Variants in PDE5A observed in about 807,000 individuals in gnomAD.
PDE5A encodes the protein cGMP-specific 3',5'-cyclic phosphodiesterase.
In PDE5A, 67 loss-of-function variants were observed where a neutral mutation model predicts 110.2. The ratio of observed to expected loss-of-function variants is 0.61; its 90% CI spans 0.50 to 0.75. The LOEUF (loss-of-function observed/expected upper bound fraction) is 0.75. PDE5A is among the 30% of genes least tolerant of loss of function. The pLI is 0.00. For missense variants in PDE5A, 862 were observed against 1,045.1 expected (o/e 0.82, Z 2.42); for synonymous variants, 328 against 351.2 (o/e 0.93, Z 0.74).
chr4:119,561,561 A>T (rs1727747121), intron 6 of PDE5A, among the ~76,000 whole-genome samples: 1 of 152,228 alleles, frequency 6.6e-6, no homozygotes, highest in African/African-American at 2.4e-5. Context: ...AGTGCTTCAC[A>T]TATAACTTTC....
intron 1 of PDE5A, among the ~76,000 whole-genome samples, chr4:119,616,900 A>G (rs894060246): frequency 6.6e-6 from 1 of 152,158 alleles, no homozygotes; most frequent in Admixed American, 6.6e-5. Flanking sequence ...ATATTTTGTA[A>G]CTAAATGAAA....
chr4:119,500,815 A>T (rs1277683373), intron 20 of PDE5A: 1 of 161,078 alleles, frequency 6.2e-6, no homozygotes, highest in Non-Finnish European at 1.3e-5. Flanking sequence ...TATGACAATG[A>T]GAAAAAGTTG....
intron 3 of PDE5A, among the ~76,000 whole-genome samples, chr4:119,569,318 A>C (rs1728058163): frequency 6.6e-6 from 1 of 152,120 alleles, no homozygotes; most frequent in Non-Finnish European, 1.5e-5. Context: ...GGGATTACAA[A>C]CATACAGTAA....
chr4:119,501,472 T>A (rs1308491494), intron 19 of PDE5A, among the ~76,000 whole-genome samples: 1 of 152,108 alleles, frequency 6.6e-6, no homozygotes, highest in Non-Finnish European at 1.5e-5. Flanking sequence ...GCTGATTTTT[T>A]ATTTTTATTA....
At chr4:119,602,514 A>G (rs1257982059) in intron 2 of PDE5A, among the ~76,000 whole-genome samples, 1 of 152,224 alleles carries the variant, frequency 6.6e-6, no homozygotes, top group Admixed American at 6.5e-5. Context: ...TTTTAAGACA[A>G]TGCCTGAAAC....
intron 3 of PDE5A, among the ~76,000 whole-genome samples, chr4:119,583,044 G>C (rs1332142646): frequency 6.6e-6 from 1 of 152,154 alleles, no homozygotes. Context: ...CCTATCCTTT[G>C]ATGCTTTGAA....
chr4:119,553,536 C>T (rs770286143), intron 8 of PDE5A, 102 bp downstream of exon 8: 42 of 733,062 alleles, frequency 5.7e-5, no homozygotes, highest in Non-Finnish European at 7.7e-5. Context: ...CATTCCTAAA[C>T]AGTCAATTCT....
At position 119,504,522 on chromosome 4, in the gene PDE5A, A is replaced by G. The variant is rs1725489974; in HGVS notation, c.2331+14T>C. ...TGACTTTTTAATTATTGTTATTGTC[A>G]CTAAGTAACATACCCGTTGTTGAAT... On this transcript the variant is annotated intron_variant, in intron 18 of 20. Transcript: ENST00000354960. 3.1e-6 allele frequency: 5 copies of G among 1,599,306 alleles called. No homozygotes were observed. The African/African-American group carries it at 6.7e-5, about 21-fold the overall frequency.
At chr4:119,504,675 T>TA (rs992513451) in intron 17 of PDE5A, 76 bp from the exon 18 acceptor site, 27 of 1,194,558 alleles carry the variant, frequency 2.3e-5, no homozygotes, top group Non-Finnish European at 2.8e-5. Context: ...TAGTTACTAA[T>TA]AAAAAAAAGT....
intron 1 of PDE5A, among the ~76,000 whole-genome samples, chr4:119,608,711 T>C (rs1209029774): frequency 6.6e-6 from 1 of 152,166 alleles, no homozygotes; most frequent in Non-Finnish European, 1.5e-5. Flanking sequence ...TCAAATAATT[T>C]GCCTATACAA....
rs1373763958 is a variant in PDE5A at position 119,497,611 on chromosome 4, G to A, written c.*990C>T. 1.3e-5 allele frequency: 2 copies of A among 152,124 alleles called. No individual in the cohort carries two copies. Among genetic ancestry groups the A allele is most frequent in the Non-Finnish European group, 2.9e-5 (2 of 68,020 alleles). The allele number at this position is 152,124 out of a possible 1,614,324, so 9.4% of individuals were successfully genotyped here. ...ATTTTTGACCCTAGTATTGGCAATA[G>A]CCCTTTGCTATTTATATAATTAAAA... On this transcript the variant is annotated 3_prime_UTR_variant, in exon 21 of 21. Transcript: ENST00000354960.
At position 119,538,953 on chromosome 4, in the gene PDE5A, T is replaced by A; in HGVS notation, c.1632+7A>T. 1.2e-6 allele frequency: 2 copies of A among 1,606,412 alleles called. No homozygotes were observed. Among genetic ancestry groups the A allele is most frequent in the Non-Finnish European group, 1.7e-6 (2 of 1,173,230 alleles). On this transcript the variant is annotated splice_region_variant and intron_variant, in intron 11 of 20. Coordinates refer to ENST00000354960, the MANE Select transcript of PDE5A (RefSeq NM_001083.4). ...TAGTAATTTTTAAAAAGAAAGAGGA[T>A]AATTACCGCTAACGACTGTAGCTCT... is the stretch of plus-strand genomic sequence containing the variant.
At chr4:119,586,447 C>G (rs888581092) in intron 3 of PDE5A, among the ~76,000 whole-genome samples, 5 of 152,138 alleles carry the variant, frequency 3.3e-5, no homozygotes, top group Non-Finnish European at 7.4e-5. Context: ...GTATTTAACA[C>G]TTGATAAAGC....
At chr4:119,530,989 A>G (rs1448671957) in intron 11 of PDE5A, among the ~76,000 whole-genome samples, 2 of 152,132 alleles carry the variant, frequency 1.3e-5, no homozygotes, top group African/African-American at 4.8e-5. Flanking sequence ...AATCAGTTAC[A>G]GCTTGTCTTA....
In PDE5A at chr4:119,618,600, T is replaced by C. The variant is rs151161563; in HGVS notation, c.152+9920A>G. ...AATAAATGCAAGAATATAATTTGTT[T>C]TTTTCAGTACTACTTAGAGACTTTT... On this transcript the variant is annotated intron_variant, in intron 1 of 20. Coordinates refer to ENST00000354960, the MANE Select transcript of PDE5A (RefSeq NM_001083.4). 5.8e-3 allele frequency among the ~76,000 whole-genome samples: 879 copies of C among 152,246 alleles called. 13 individuals are homozygous for C. The highest frequency in any genetic ancestry group is 0.019 in the African/African-American group (807 of 41,558).
At chr4:119,597,327 T>A (rs555479431) in intron 2 of PDE5A, among the ~76,000 whole-genome samples, 51 of 152,004 alleles carry the variant, frequency 3.4e-4, no homozygotes, top group Admixed American at 8.5e-4. Flanking sequence ...TCTTTTTTTG[T>A]TCATTACTGT....
intron 14 of PDE5A, among the ~76,000 whole-genome samples, chr4:119,515,284 T>TTAAG (rs905062174): frequency 6.6e-6 from 1 of 152,148 alleles, no homozygotes; most frequent in Non-Finnish European, 1.5e-5. Context: ...TAGTGCCCTT[T>TTAAG]TAAGTCTCTC....
At chr4:119,512,816 C>T (rs1194930809) in intron 14 of PDE5A, 2 of 151,976 alleles carry the variant, frequency 1.3e-5, no homozygotes, top group African/African-American at 4.8e-5. Context: ...TTTTAAGGTG[C>T]CTGAAATATA....
intron 1 of PDE5A, among the ~76,000 whole-genome samples, chr4:119,615,015 G>C (rs952098680): frequency 1.3e-5 from 2 of 152,148 alleles, no homozygotes; most frequent in Admixed American, 6.5e-5. Context: ...GATAATTCTA[G>C]TTCCAGCTAC....
Sources: allele counts gnomAD v4.1 joint callset (sites outside exome capture counted in the v4.1 genomes callset), GRCh38; gene constraint gnomAD v4.1.1; transcripts MANE v1.5; gene names NCBI Gene and HGNC (gene_info 2026-07-23, HGNC 2026-07-21).